PPP1CA: variants seen among roughly 807,000 people sequenced by gnomAD.
The protein encoded by PPP1CA is protein phosphatase 1 catalytic subunit alpha.
Under a neutral mutation model 38.5 loss-of-function variants are expected in PPP1CA, and 14 were observed. The ratio of observed to expected loss-of-function variants is 0.36; its 90% confidence interval spans 0.24 to 0.57. The LOEUF (loss-of-function observed/expected upper bound fraction) is 0.57, where lower values mean the gene tolerates loss of function less well. Among genes scored for constraint, PPP1CA ranks in the 20% least tolerant of loss-of-function variants. The pLI, the probability that PPP1CA is intolerant of heterozygous loss-of-function variation, is 0.80. For synonymous variants in PPP1CA, 200 were observed against 177.3 expected, an observed-to-expected ratio of 1.13 and a Z score of -1.02; for missense variants, 277 against 435.2, an observed-to-expected ratio of 0.64 and a Z score of 3.23.
chr11:67,398,901 C>T (rs772893004), intron 5 of PPP1CA, 39 bp downstream of exon 5: 19 of 1,611,898 alleles, frequency 1.2e-5, no homozygotes, highest in Admixed American at 3.3e-5. Context: ...AGGCACGGCC[C>T]TCCCCTTCCC....
chr11:67,399,537 C>G, intron 4 of PPP1CA, 24 bp downstream of exon 4: 1 of 1,602,644 alleles, frequency 6.2e-7, no homozygotes, highest in South Asian at 1.1e-5. Flanking sequence ...AGTGCTCCTC[C>G]TCCCCAGCCA....
intron 1 of PPP1CA, 138 bp downstream of exon 1, chr11:67,401,590 G>T: frequency 2.7e-6 from 2 of 748,320 alleles, no homozygotes; most frequent in Non-Finnish European, 3.7e-6. Flanking sequence ...GTCCGCGGGG[G>T]GGCAGCTGCG....
In PPP1CA at chr11:67,398,328, A is replaced by ACAGT. The variant is rs1862783442; in HGVS notation, c.*203_*206dup. 2 of 597,492 alleles carry ACAGT rather than the reference A, an allele frequency of 3.3e-6. No individual in the cohort carries two copies. Among genetic ancestry groups the ACAGT allele is most frequent in the Non-Finnish European group, 5.8e-6 (2 of 346,644 alleles). 37.0% of individuals were successfully genotyped at this position (597,492 alleles called of 1,614,324 possible). ...CAGCCTCGGCCCCAGGATCCTGCTC[A>ACAGT]CAGTCACCGCAGGTGCAGGCAGGAA... is the stretch of plus-strand genomic sequence containing the variant. On this transcript the variant is annotated 3_prime_UTR_variant, in exon 7 of 7. Transcript: ENST00000376745.
Position 67,400,772 on chromosome 11 carries a change from A to T in PPP1CA, c.335T>A (p.Ile112Asn). Residue 112 changes from isoleucine (I) to asparagine (N), a missense_variant, in exon 3 of 7, where the codon ATC becomes AAC. Coordinates refer to ENST00000376745, the MANE Select transcript of PPP1CA (RefSeq NM_002708.4). ...ETICLLLAYK[I>N]KYPENFFLLR... ...CAGGAAGAAGTTCTCGGGGTACTTG[A>T]TCTTATAGGCCAGCAGCAGGCAGAT... 1 of 1,614,080 alleles carries T rather than the reference A, an allele frequency of 6.2e-7. No individual in the cohort carries two copies. The highest frequency in any genetic ancestry group is 8.5e-7 in the Non-Finnish European group (1 of 1,180,026).
Position 67,398,390 on chromosome 11 carries a change from TAAAA to T in PPP1CA, c.*141_*144del. 1.2e-6 allele frequency: 1 copy of T among 827,160 alleles called. No individual in the cohort carries two copies. Among genetic ancestry groups the T allele is most frequent in the Non-Finnish European group, 1.9e-6 (1 of 538,836 alleles). The allele number at this position is 827,160 out of a possible 1,614,324, so 51.2% of individuals were successfully genotyped here. On this transcript the variant is annotated 3_prime_UTR_variant, in exon 7 of 7. Coordinates refer to ENST00000376745, the MANE Select transcript of PPP1CA (RefSeq NM_002708.4). ...GGACTGGACGCTGCTATTGATTCAT[TAAAA>T]AAAGAAAAGAAAAATACACCAAGGC...
chr11:67,398,460 G>C lies in PPP1CA; in HGVS notation c.*75C>G. ...ACAGGTGGGCCTGAGGGGTCGGGGT[G>C]ACCCCCCCCCAGCATGGCAGCATGA... On this transcript the variant is annotated 3_prime_UTR_variant, in exon 7 of 7. Transcript: ENST00000376745. 6.8e-7 allele frequency: 1 copy of C among 1,467,516 alleles called. No individual in the cohort carries two copies. The highest frequency in any genetic ancestry group is 9.4e-7 in the Non-Finnish European group (1 of 1,063,840). 90.9% of individuals were successfully genotyped at this position (1,467,516 alleles called of 1,614,324 possible). A position where few individuals can be genotyped will look rare whatever the true frequency, so the allele number is the denominator to read the frequency against.
Position 67,401,743 on chromosome 11 carries a change from C to G in PPP1CA, c.40G>C (p.Gly14Arg), listed in dbSNP as rs761547123. Residue 14 changes from glycine (G) to arginine (R), a missense_variant, in exon 1 of 7, where the codon GGG becomes CGG. Gly to Arg is a moderately radical substitution (Grantham distance 125). Around this residue, in one of 3 missense-constraint regions of PPP1CA, gnomAD observed 44 missense variants for 27.4 expected, o/e 1.60. Coordinates refer to ENST00000376745, the MANE Select transcript of PPP1CA (RefSeq NM_002708.4). ...SEKLNLDSII[G>R]RLLEVQGSRP... ...CCCGACCAACCTTCCAGCAGGCGCC[C>G]GATGATCGAGTCCAGGTTGAGCTTC... 1.4e-6 allele frequency: 2 copies of G among 1,478,456 alleles called. No individual in the cohort carries two copies. The highest frequency in any genetic ancestry group is 1.8e-6 in the Non-Finnish European group (2 of 1,105,950). 91.6% of individuals were successfully genotyped at this position (1,478,456 alleles called of 1,614,324 possible).
intron 6 of PPP1CA, 31 bp downstream of exon 6, chr11:67,398,691 G>A (rs752237526): frequency 6.2e-7 from 1 of 1,613,138 alleles, no homozygotes; most frequent in East Asian, 2.2e-5. Flanking sequence ...GAGCCACAGG[G>A]CCTAGCGGCT....
chr11:67,401,730 T>C lies in PPP1CA; in HGVS notation c.53A>G (p.Glu18Gly). Reference sequence around the variant, plus strand: ...GGGCCTCCCCCGCCCCGACCAACCTTCCAGCAGGCGCCCGATGATCGAGTC... The same window carrying C: ...GGGCCTCCCCCGCCCCGACCAACCTCCCAGCAGGCGCCCGATGATCGAGTC... ...NLDSIIGRLLEVQGSRPGKNV... is the reference protein window; with the variant it reads ...NLDSIIGRLLGVQGSRPGKNV... Residue 18 changes from glutamate to glycine, a missense_variant and splice_region_variant, in exon 1 of 7, where the codon GAA becomes GGA. Glu to Gly is a moderately conservative substitution (Grantham distance 98). Transcript: ENST00000376745. 6.8e-7 allele frequency: 1 copy of C among 1,470,792 alleles called. No individual in the cohort carries two copies. The highest frequency in any genetic ancestry group is 9.1e-7 in the Non-Finnish European group (1 of 1,101,826). 91.1% of individuals were successfully genotyped at this position (1,470,792 alleles called of 1,614,324 possible).
Position 67,400,694 on chromosome 11 carries a change from T to C in PPP1CA, c.413A>G (p.Asp138Gly), listed in dbSNP as rs751999455. 6.2e-7 allele frequency: 1 copy of C among 1,613,666 alleles called. No homozygotes were observed. Among genetic ancestry groups the C allele is most frequent in the Non-Finnish European group, 8.5e-7 (1 of 1,179,994 alleles). ...CAGACGCTCAGACCACTCACACTCA[T>C]CGTAGAAACCATAGATGCGGTTGAT... ...ASINRIYGFY[D>G]ECKRRYNIKL... Residue 138 changes from aspartate (D) to glycine (G), a missense_variant, in exon 3 of 7, where the codon GAT becomes GGT. By Grantham distance (94) the Asp-to-Gly change is moderately conservative. Around this residue, in one of 3 missense-constraint regions of PPP1CA, gnomAD observed 180 missense variants for 356.7 expected, o/e 0.50. Coordinates refer to ENST00000376745, the MANE Select transcript of PPP1CA (RefSeq NM_002708.4).
intron 3 of PPP1CA, among the ~76,000 whole-genome samples, chr11:67,400,199 T>C (rs919144308): frequency 2.0e-5 from 3 of 152,218 alleles, no homozygotes; most frequent in Non-Finnish European, 4.4e-5. Flanking sequence ...GGCAAGATCA[T>C]AGCTCACTGT....
intron 1 of PPP1CA, 199 bp downstream of exon 1, chr11:67,401,528 GA>G (rs1454527831): frequency 7.1e-6 from 4 of 562,594 alleles, no homozygotes; most frequent in Non-Finnish European, 1.2e-5. Flanking sequence ...CAGCCCGGGA[GA>G]GGGGGGGAGC....
Position 67,399,001 on chromosome 11 carries a change from G to A in PPP1CA, c.686C>T (p.Ala229Val). 2 of 1,613,420 alleles carry A rather than the reference G, an allele frequency of 1.2e-6. No individual in the cohort carries two copies. The highest frequency in any genetic ancestry group is 1.7e-6 in the Non-Finnish European group (2 of 1,180,010). Residue 229 changes from alanine to valine, a missense_variant, in exon 5 of 7, where the codon GCC becomes GTC. Transcript: ENST00000376745. ...NDRGVSFTFGAEVVAKFLHKH... is the reference protein window; with the variant it reads ...NDRGVSFTFGVEVVAKFLHKH... ...GTGGAGGAACTTGGCCACCACCTCGGCTCCAAAGGTAAAAGAGACGCCACG... is the reference window on the plus strand; with the variant it reads ...GTGGAGGAACTTGGCCACCACCTCGACTCCAAAGGTAAAAGAGACGCCACG...
rs376168687 is a variant in PPP1CA at position 67,400,732 on chromosome 11, G to A, written c.375C>T (p.His125=). 91 of 1,613,892 alleles carry A rather than the reference G, an allele frequency of 5.6e-5. No homozygotes were observed. Among genetic ancestry groups the A allele is most frequent in the Middle Eastern group, 1.6e-4 (1 of 6,084 alleles). Reference sequence around the variant, plus strand: ...AGATGCGGTTGATGCTGGCACACTCGTGGTTCCCACGGAGCAGGAAGAAGT... The same window carrying A: ...AGATGCGGTTGATGCTGGCACACTCATGGTTCCCACGGAGCAGGAAGAAGT... ...PENFFLLRGN[H]ECASINRIYG... The change falls in exon 3 of 7, where the codon CAC becomes CAT. Residue 125 remains histidine (H), a synonymous_variant. Transcript: ENST00000376745.
chr11:67,399,125 G>T lies in PPP1CA; in HGVS notation c.562C>A (p.Arg188=). The change falls in exon 5 of 7, where the codon CGG becomes AGG. Residue 188 remains arginine, a synonymous_variant. Transcript: ENST00000376745. The stretch of plus-strand genomic sequence containing the variant: ...GGCACATCTGTGGGCCGCATGATCC[G>T]CCGAATCTGCTCCATAGACTGCAGG... ...PDLQSMEQIR[R]IMRPTDVPDQ... 1 of 1,613,526 alleles carries T rather than the reference G, an allele frequency of 6.2e-7. No homozygotes were observed. Among genetic ancestry groups the T allele is most frequent in the Non-Finnish European group, 8.5e-7 (1 of 1,180,026 alleles).
In PPP1CA at chr11:67,401,129, G is replaced by C; in HGVS notation, c.126C>G (p.Ser42=). Residue 42 remains serine (S), a synonymous_variant, in exon 2 of 7, where the codon TCC becomes TCG. Transcript: ENST00000376745. ...ENEIRGLCLK[S]REIFLSQPIL... is the part of the protein sequence containing the mutation. ...TGGGCTGGCTCAGAAAAATCTCCCG[G>C]GATTTCAGGCACAGACCGCGGATCT... 22 of 1,613,966 alleles carry C rather than the reference G, an allele frequency of 1.4e-5. No homozygotes were observed. Among genetic ancestry groups the C allele is most frequent in the Non-Finnish European group, 1.7e-5 (20 of 1,180,020 alleles).
intron 3 of PPP1CA, 90 bp from the exon 4 acceptor site, chr11:67,399,755 G>A (rs1237380680): frequency 7.6e-6 from 8 of 1,046,610 alleles, no homozygotes; most frequent in Non-Finnish European, 1.0e-5. Context: ...GGAGGAGAGA[G>A]TCAGGCACCG....
intron 3 of PPP1CA, 34 bp downstream of exon 3, chr11:67,400,655 G>A: frequency 6.3e-7 from 1 of 1,597,854 alleles, no homozygotes; most frequent in Non-Finnish European, 8.6e-7. Flanking sequence ...TGCGGTTCAG[G>A]ACCCGGGCAG....
Position 67,398,396 on chromosome 11 carries a change from A to C in PPP1CA, c.*139T>G. ...GACGCTGCTATTGATTCATTAAAAA[A>C]AGAAAAGAAAAATACACCAAGGCTC... On this transcript the variant is annotated 3_prime_UTR_variant, in exon 7 of 7. Coordinates refer to ENST00000376745, the MANE Select transcript of PPP1CA (RefSeq NM_002708.4). The C allele has an allele frequency of 1.1e-6, 1 of 870,586 alleles. No individual in the cohort carries two copies. The highest frequency in any genetic ancestry group is 1.8e-5 in the South Asian group (1 of 56,500). The allele number at this position is 870,586 out of a possible 1,614,324, so 53.9% of individuals were successfully genotyped here. A position where few individuals can be genotyped will look rare whatever the true frequency, so the allele number is the denominator to read the frequency against.
Sources: gnomAD v4.1 joint callset for allele counts (sites outside exome capture counted in the v4.1 genomes callset) on GRCh38, gnomAD v4.1.1 for gene constraint, gnomAD v4.1.1 regional missense constraint, MANE v1.5 for transcripts, NCBI Gene and HGNC (gene_info 2026-07-23, HGNC 2026-07-21) for gene names.